ANO3: variants seen among roughly 807,000 people sequenced by gnomAD.
ANO3 encodes anoctamin 3, also known as anoctamin-3.
ANO3 carries 99 observed loss-of-function variants against 144.8 expected under a neutral mutation model. That is an observed-to-expected ratio of 0.68 (90% confidence interval 0.58 to 0.81). The LOEUF is 0.81. ANO3 is among the 30% of genes least tolerant of loss of function. The pLI is 0.00. For synonymous variants in ANO3, 414 were observed against 392.6 expected, an observed-to-expected ratio of 1.05 and a Z score of -0.64; for missense variants, 905 against 1,202.2, an observed-to-expected ratio of 0.75 and a Z score of 3.66.
chr11:26,658,769 T>C (rs1246000724), intron 26 of ANO3, among the ~76,000 whole-genome samples: 1 of 152,178 alleles, frequency 6.6e-6, no homozygotes, highest in Non-Finnish European at 1.5e-5. Context: ...AAGAAACTTC[T>C]GATTATTTGC....
At chr11:26,333,767 G>A (rs1224910090) in intron 1 of ANO3, among the ~76,000 whole-genome samples, 2 of 152,216 alleles carry the variant, frequency 1.3e-5, no homozygotes, top group Admixed American at 1.3e-4. Flanking sequence ...TGATGTGTGA[G>A]ACTGTAGGGG....
At chr11:26,375,088 A>G (rs1431805334) in intron 1 of ANO3, among the ~76,000 whole-genome samples, 1 of 152,222 alleles carries the variant, frequency 6.6e-6, no homozygotes, top group Non-Finnish European at 1.5e-5. Context: ...ATCATAATGT[A>G]GAATCAGTGG....
chr11:26,554,142 G>T (rs1463493857), intron 13 of ANO3, among the ~76,000 whole-genome samples: 2 of 152,010 alleles, frequency 1.3e-5, no homozygotes, highest in African/African-American at 2.4e-5. Flanking sequence ...TGTCATTATA[G>T]ATAAATTTGT....
At chr11:26,209,329 T>C (rs1851883239) in intron 1 of ANO3, among the ~76,000 whole-genome samples, 1 of 152,186 alleles carries the variant, frequency 6.6e-6, no homozygotes, top group Non-Finnish European at 1.5e-5. Flanking sequence ...TGAACTCATC[T>C]TTTTTATGGC....
intron 1 of ANO3, among the ~76,000 whole-genome samples, chr11:26,418,705 C>A (rs1442357377): frequency 1.3e-5 from 2 of 151,508 alleles, no homozygotes; most frequent in Admixed American, 1.3e-4. Flanking sequence ...AACAAACAAG[C>A]GCGCGCGCGC....
At chr11:26,482,085 A>G (rs957936322) in intron 4 of ANO3, among the ~76,000 whole-genome samples, 1 of 151,714 alleles carries the variant, frequency 6.6e-6, no homozygotes, top group Non-Finnish European at 1.5e-5. Flanking sequence ...TCTCTTAGAG[A>G]CAGAGTCTCA....
intron 1 of ANO3, among the ~76,000 whole-genome samples, chr11:26,402,836 T>G (rs1183219007): frequency 6.6e-6 from 1 of 151,896 alleles, no homozygotes; most frequent in Non-Finnish European, 1.5e-5. Flanking sequence ...AACAAACCTG[T>G]ACTTGTAAAG....
intron 1 of ANO3, among the ~76,000 whole-genome samples, chr11:26,385,555 G>A (rs1856701589): frequency 2.0e-5 from 3 of 152,074 alleles, no homozygotes; most frequent in Admixed American, 2.0e-4. Flanking sequence ...TTTCAACGCA[G>A]TGTAGCATCC....
At chr11:26,224,525 G>A (rs896703968) in intron 1 of ANO3, among the ~76,000 whole-genome samples, 1 of 152,098 alleles carries the variant, frequency 6.6e-6, no homozygotes, top group Non-Finnish European at 1.5e-5. Flanking sequence ...GCCCCCTCAG[G>A]GGCTCCTCCA....
chr11:26,314,457 C>G, intron 1 of ANO3, among the ~76,000 whole-genome samples: 1 of 152,126 alleles, frequency 6.6e-6, no homozygotes, highest in South Asian at 2.1e-4. Context: ...CTCATTACTG[C>G]TTTTTCATTG....
chr11:26,448,794 C>T (rs1858806332), intron 3 of ANO3, among the ~76,000 whole-genome samples: 1 of 152,098 alleles, frequency 6.6e-6, no homozygotes, highest in Admixed American at 6.5e-5. Flanking sequence ...ACATAAGGTC[C>T]TCTTGCCTCA....
chr11:26,660,428 A>G lies in ANO3; in HGVS notation c.2930A>G (p.His977Arg). ...CGGAGAAAAAGTGGTCAGCCTGTTC[A>G]CCATGAATGGCCTTAGTTGACACCT... ...QQRRKSGQPV[H>R]HEWP The change falls in exon 27 of 27, where the codon CAC (histidine) becomes CGC (arginine). Residue 977 changes from histidine (H) to arginine (R), a missense_variant. By Grantham distance (29) the His-to-Arg change is conservative. Around this residue, in one of 4 missense-constraint regions of ANO3, gnomAD observed 597 missense variants for 865.1 expected, o/e 0.69. Coordinates refer to ENST00000256737, the MANE Select transcript of ANO3 (RefSeq NM_031418.4). The G allele has an allele frequency of 6.2e-7, 1 of 1,612,588 alleles. No homozygotes were observed. Among genetic ancestry groups the G allele is most frequent in the Non-Finnish European group, 8.5e-7 (1 of 1,179,302 alleles).
chr11:26,333,488 T>C (rs1224263615), intron 1 of ANO3, among the ~76,000 whole-genome samples: 1 of 152,130 alleles, frequency 6.6e-6, no homozygotes, highest in African/African-American at 2.4e-5. Context: ...TTCACCGTAT[T>C]AGCCAGGATG....
At chr11:26,420,165 C>T (rs1857710616) in intron 1 of ANO3, among the ~76,000 whole-genome samples, 1 of 151,942 alleles carries the variant, frequency 6.6e-6, no homozygotes, top group African/African-American at 2.4e-5. Flanking sequence ...ACCTTTGTGT[C>T]CTGCTAGCAA....
At chr11:26,487,167 C>A (rs1860484011) in intron 4 of ANO3, among the ~76,000 whole-genome samples, 1 of 152,184 alleles carries the variant, frequency 6.6e-6, no homozygotes, top group Non-Finnish European at 1.5e-5. Context: ...AGAATTCCCA[C>A]GTGTTGTGGG....
At chr11:26,362,068 A>G (rs535765002) in intron 1 of ANO3, among the ~76,000 whole-genome samples, 5 of 152,150 alleles carry the variant, frequency 3.3e-5, no homozygotes, top group African/African-American at 1.2e-4. Context: ...GTTAAATAGG[A>G]CTCAGGTTGC....
At chr11:26,514,930 T>A (rs1861805808) in intron 5 of ANO3, among the ~76,000 whole-genome samples, 1 of 152,002 alleles carries the variant, frequency 6.6e-6, no homozygotes, top group African/African-American at 2.4e-5. Context: ...AAAGTCACGG[T>A]CTTCTCTTTT....
chr11:26,273,632 GCA>G (rs3220654), intron 1 of ANO3, among the ~76,000 whole-genome samples: 11,402 of 139,958 alleles, frequency 0.081, 1,000 homozygotes, highest in East Asian at 0.51. Context: ...TGTGGATATG[GCA>G]CACACACACA....
rs940481089 is a variant in ANO3 at position 26,525,564 on chromosome 11, A to G, written c.693-71A>G. 7.3e-6 allele frequency: 9 copies of G among 1,231,636 alleles called. No homozygotes were observed. The African/African-American group carries it at 1.4e-4, about 19-fold the overall frequency. 76.3% of individuals were successfully genotyped at this position (1,231,636 alleles called of 1,614,324 possible). ...AGTATAGAAATGCTCAATATGATTG[A>G]ATGTTGTCACTCACTCGTATCACTT... is the stretch of plus-strand genomic sequence containing the variant. On this transcript the variant is annotated intron_variant, in intron 6 of 26. Transcript: ENST00000256737.
Sources: gnomAD v4.1 joint callset for allele counts (sites outside exome capture counted in the v4.1 genomes callset) on GRCh38, gnomAD v4.1.1 for gene constraint, gnomAD v4.1.1 regional missense constraint, MANE v1.5 for transcripts, NCBI Gene and HGNC (gene_info 2026-07-23, HGNC 2026-07-21) for gene names.